ATXN7: variants seen among roughly 807,000 people sequenced by gnomAD.
ATXN7 encodes ataxin 7, also known as ataxin-7.
In ATXN7, 12 loss-of-function variants were observed where a neutral mutation model predicts 70.5. The observed-to-expected ratio is 0.17, with a 90% confidence interval of 0.11 to 0.28. ATXN7 has a LOEUF of 0.28. ATXN7 is among the 10% of genes least tolerant of loss of function. The probability of loss-of-function intolerance (pLI) is 1.00; values close to 1 mark genes in which losing one functional copy is unlikely to be tolerated. For missense variants in ATXN7, 1,256 were observed against 1,131.7 expected, an observed-to-expected ratio of 1.11 and a Z score of -1.58; for synonymous variants, 498 against 448.7, an observed-to-expected ratio of 1.11 and a Z score of -1.39.
Position 63,863,890 on chromosome 3 carries a change from A to C in ATXN7, c.-379A>C, listed in dbSNP as rs1575821530. 6.2e-6 allele frequency: 7 copies of C among 1,133,588 alleles called. No individual in the cohort carries two copies. The East Asian group carries it at 1.3e-4, about 21-fold the overall frequency. The allele number at this position is 1,133,588 out of a possible 1,614,324, so 70.2% of individuals were successfully genotyped here. ...CCACAATGCAGCCGGGTAAACAGCCATGGAGGAGGAGGCGGCGGCGCCCGC... is the reference window on the plus strand; with the variant it reads ...CCACAATGCAGCCGGGTAAACAGCCCTGGAGGAGGAGGCGGCGGCGCCCGC... On this transcript the variant is annotated 5_prime_UTR_variant, in exon 1 of 13. An upstream start codon of the reference 5' UTR is lost. Coordinates refer to ENST00000674280, the MANE Select transcript of ATXN7 (RefSeq NM_001377405.1).
At chr3:63,979,026 A>G (rs998677077) in intron 5 of ATXN7, among the ~76,000 whole-genome samples, 6 of 152,238 alleles carry the variant, frequency 3.9e-5, no homozygotes, top group African/African-American at 1.4e-4. Flanking sequence ...AAAGGCAGCC[A>G]CTAAGGTACT....
intron 1 of ATXN7, among the ~76,000 whole-genome samples, chr3:63,891,666 C>G (rs1703268039): frequency 6.6e-6 from 1 of 152,156 alleles, no homozygotes; most frequent in African/African-American, 2.4e-5. Context: ...TCACATGTCT[C>G]TACCTTACTG....
intron 1 of ATXN7, chr3:63,873,920 C>T (rs1422243640): frequency 6.6e-6 from 1 of 152,064 alleles, no homozygotes; most frequent in African/African-American, 2.4e-5. Context: ...AGACTGGTCT[C>T]CCATTTCTGG....
At position 63,970,349 on chromosome 3, in the gene ATXN7, A is replaced by T. The variant is rs117282475; in HGVS notation, c.500-9566A>T. Among the ~76,000 whole-genome samples the T allele has an allele frequency of 5.6e-4, 86 of 152,280 alleles. No individual in the cohort carries two copies. The East Asian group carries it at 0.015, about 27-fold the overall frequency. On this transcript the variant is annotated intron_variant, in intron 5 of 12. Coordinates refer to ENST00000674280, the MANE Select transcript of ATXN7 (RefSeq NM_001377405.1). The stretch of plus-strand genomic sequence containing the variant: ...GAGCATAAAAAGGGCGTCCTTCAGG[A>T]ACTGAACTGATCACTCAGACCACTC...
intron 5 of ATXN7, among the ~76,000 whole-genome samples, chr3:63,978,540 A>C (rs1559654127): frequency 1.3e-5 from 2 of 152,206 alleles, no homozygotes; most frequent in Non-Finnish European, 2.9e-5. Flanking sequence ...TCAGATGCCA[A>C]ATTTGGAAAA....
At chr3:63,902,955 G>T (rs1260126209) in intron 2 of ATXN7, among the ~76,000 whole-genome samples, 2 of 151,996 alleles carry the variant, frequency 1.3e-5, no homozygotes, top group East Asian at 1.9e-4. Flanking sequence ...CTAATAAAAA[G>T]TTCCTTTAAG....
chr3:63,888,357 A>C (rs981510054), intron 1 of ATXN7, among the ~76,000 whole-genome samples: 3 of 152,182 alleles, frequency 2.0e-5, no homozygotes, highest in Non-Finnish European at 4.4e-5. Flanking sequence ...TTATGTCTTA[A>C]CTATAGTGCA....
In ATXN7 at chr3:63,990,511, T is replaced by G. The variant is rs1048618160; in HGVS notation, c.1560+137T>G. ...GGTGTGAGAGAAGTTCAAAACAGGGTGCCCCAGAGGCAGCACACACTCTGT... is the reference window on the plus strand; with the variant it reads ...GGTGTGAGAGAAGTTCAAAACAGGGGGCCCCAGAGGCAGCACACACTCTGT... On this transcript the variant is annotated intron_variant, in intron 10 of 12. Transcript: ENST00000674280. 3 of 1,231,888 alleles carry G rather than the reference T, an allele frequency of 2.4e-6. No homozygotes were observed. In the African/African-American group the frequency reaches 4.5e-5, roughly 18 times the overall value. 76.3% of individuals were successfully genotyped at this position (1,231,888 alleles called of 1,614,324 possible).
intron 1 of ATXN7, among the ~76,000 whole-genome samples, chr3:63,890,960 C>T (rs1423552322): frequency 2.0e-5 from 3 of 152,074 alleles, no homozygotes; most frequent in Non-Finnish European, 2.9e-5. Flanking sequence ...GGGCCTAGCC[C>T]AGAAGTGTGG....
At chr3:63,979,797 C>CCTT (rs2075455635) in intron 5 of ATXN7, 118 bp from the exon 6 acceptor site, 3 of 1,394,194 alleles carry the variant, frequency 2.2e-6, no homozygotes, top group Non-Finnish European at 2.9e-6. Flanking sequence ...GTTTAACATA[C>CCTT]CTTCACTTAA....
chr3:63,943,857 A>G (rs913665760), intron 4 of ATXN7, among the ~76,000 whole-genome samples: 4 of 152,166 alleles, frequency 2.6e-5, no homozygotes, highest in South Asian at 2.1e-4. Flanking sequence ...TTTTCATTGT[A>G]TAGTCTCTTC....
chr3:63,988,738 C>G (rs527289244), intron 9 of ATXN7, among the ~76,000 whole-genome samples: 1 of 152,224 alleles, frequency 6.6e-6, no homozygotes, highest in Non-Finnish European at 1.5e-5. Flanking sequence ...GTTTTTACAG[C>G]ATCCGTTTAT....
intron 4 of ATXN7, among the ~76,000 whole-genome samples, chr3:63,918,688 C>T (rs1704384969): frequency 6.6e-6 from 1 of 152,108 alleles, no homozygotes; most frequent in Non-Finnish European, 1.5e-5. Flanking sequence ...TGAGGCAAGT[C>T]AGGCTACCAT....
chr3:63,892,164 G>C (rs565859018), intron 1 of ATXN7, among the ~76,000 whole-genome samples: 10 of 152,242 alleles, frequency 6.6e-5, no homozygotes, highest in Non-Finnish European at 1.5e-5. Flanking sequence ...TAAAACGCGT[G>C]CTAGCTGTTC....
chr3:63,959,611 A>C (rs2075092147), intron 5 of ATXN7, among the ~76,000 whole-genome samples: 1 of 152,202 alleles, frequency 6.6e-6, no homozygotes, highest in Non-Finnish European at 1.5e-5. Context: ...AATGCTAATT[A>C]AATTTTTCAG....
intron 2 of ATXN7, among the ~76,000 whole-genome samples, chr3:63,902,364 G>A (rs1279432710): frequency 6.6e-6 from 1 of 152,116 alleles, no homozygotes; most frequent in Non-Finnish European, 1.5e-5. Flanking sequence ...AGCCGTGATT[G>A]CACCAGCTGG....
At chr3:63,939,866 A>G (rs1285138246) in intron 4 of ATXN7, among the ~76,000 whole-genome samples, 2 of 152,062 alleles carry the variant, frequency 1.3e-5, no homozygotes, top group Non-Finnish European at 2.9e-5. Flanking sequence ...GAGAATTGTC[A>G]CTGATGTATC....
rs771954900 is a variant in ATXN7, at chr3:63,988,243, A to G, written c.1280A>G (p.Gln427Arg). The change falls in exon 9 of 13, where the codon CAA becomes CGA. Residue 427 changes from glutamine to arginine, a missense_variant. By Grantham distance (43) the Gln-to-Arg change is conservative (BLOSUM62 1). Coordinates refer to ENST00000674280, the MANE Select transcript of ATXN7 (RefSeq NM_001377405.1). Reference protein sequence around the residue: ...APPRTSQEPHQNPHGVIPSES... With the variant: ...APPRTSQEPHRNPHGVIPSES... The stretch of plus-strand genomic sequence containing the variant: ...CCTAGAACGTCACAGGAGCCGCACC[A>G]AAACCCTCACGGAGTGATTCCTTCC... The G allele has an allele frequency of 1.9e-6, 3 of 1,614,116 alleles. No homozygotes were observed. In the South Asian group the frequency reaches 3.3e-5, roughly 18 times the overall value.
At chr3:63,932,990 GT>G (rs1309666621) in intron 4 of ATXN7, among the ~76,000 whole-genome samples, 2 of 152,222 alleles carry the variant, frequency 1.3e-5, no homozygotes, top group African/African-American at 4.8e-5. Flanking sequence ...TCTTGGCAGT[GT>G]TGCTGCTTTT....
Sources: gnomAD v4.1 joint callset for allele counts (sites outside exome capture counted in the v4.1 genomes callset) on GRCh38, gnomAD v4.1.1 for gene constraint, MANE v1.5 for transcripts, NCBI Gene and HGNC (gene_info 2026-07-23, HGNC 2026-07-21) for gene names.